Variants in IVD observed in about 807,000 individuals in gnomAD.
The protein encoded by IVD is isovaleryl-CoA dehydrogenase, mitochondrial.
Under a neutral mutation model 51.3 loss-of-function variants are expected in IVD, and 31 were observed. That is an observed-to-expected ratio of 0.60 (90% confidence interval 0.45 to 0.81). The LOEUF (loss-of-function observed/expected upper bound fraction) is 0.81. IVD is among the 40% of genes least tolerant of loss of function. The pLI is 0.00. For synonymous variants in IVD, 205 were observed against 219.4 expected, an observed-to-expected ratio of 0.93 and a Z score of 0.58; for missense variants, 475 against 552.0, an observed-to-expected ratio of 0.86 and a Z score of 1.40.
At chr15:40,410,102 C>T (rs1292928880) in intron 3 of IVD, among the ~76,000 whole-genome samples, 2 of 152,138 alleles carry the variant, frequency 1.3e-5, no homozygotes, top group East Asian at 1.9e-4. Flanking sequence ...TCCCAAAGTG[C>T]TGGGATTACA....
intron 3 of IVD, 98 bp from the exon 4 acceptor site, chr15:40,410,530 A>C: frequency 7.3e-7 from 1 of 1,373,162 alleles, no homozygotes; most frequent in South Asian, 1.2e-5. Context: ...AGGTGCTACA[A>C]GGTGCTTCCC....
At chr15:40,425,440 CTATATATATATA>C (rs72252183), downstream of IVD, among the ~76,000 whole-genome samples, 3 of 137,834 alleles carry the variant, frequency 2.2e-5, no homozygotes, top group Admixed American at 7.0e-5. Flanking sequence ...TGGACTCATA[CTATATATATATA>C]TATATATATA....
chr15:40,423,718 C>G (rs1042719371), downstream of IVD, among the ~76,000 whole-genome samples: 1 of 152,328 alleles, frequency 6.6e-6, no homozygotes, highest in South Asian at 2.1e-4. Flanking sequence ...CCTCGGCCCC[C>G]CAAAGTGCTG....
Position 40,407,957 on chromosome 15 carries a change from G to T in IVD, c.253G>T (p.Gly85Trp). Residue 85 changes from glycine to tryptophan, a missense_variant, in exon 3 of 12, where the codon GGG becomes TGG. Transcript: ENST00000487418. ...TTGGCAGGAATTTTGGAAGCAGCTG[G>T]GGAACCTGGGCGTATTGGGCATCAC... is the stretch of plus-strand genomic sequence containing the variant. ...KNLREFWKQLGNLGVLGITAP... is the reference protein window; with the variant it reads ...KNLREFWKQLWNLGVLGITAP... The T allele has an allele frequency of 6.2e-7, 1 of 1,614,106 alleles. No homozygotes were observed. Among genetic ancestry groups the T allele is most frequent in the Non-Finnish European group, 8.5e-7 (1 of 1,180,002 alleles).
intron 3 of IVD, among the ~76,000 whole-genome samples, chr15:40,408,482 A>T (rs1460365616): frequency 6.6e-6 from 1 of 151,398 alleles, no homozygotes; most frequent in Non-Finnish European, 1.5e-5. Context: ...TAGCGGGGGG[A>T]GTAGGGTAGG....
At chr15:40,435,474 C>A (rs758637312) in exon 9 of IVD, 1 of 1,250,968 alleles carries the variant, frequency 8.0e-7, no homozygotes, top group Non-Finnish European at 1.0e-6. Context: ...CGAGGTCAGA[C>A]GTCCCTGGAG....
At chr15:40,414,153 C>T (rs1193858156) in intron 7 of IVD, among the ~76,000 whole-genome samples, 1 of 152,224 alleles carries the variant, frequency 6.6e-6, no homozygotes, top group Non-Finnish European at 1.5e-5. Context: ...GCCACCTTGC[C>T]TGGCCAGGGG....
At chr15:40,415,599 T>A (rs919167054) in intron 9 of IVD, 117 bp downstream of exon 9, 2 of 874,196 alleles carry the variant, frequency 2.3e-6, no homozygotes, top group East Asian at 2.6e-5. Context: ...CAAATTGAGC[T>A]TGACTGCTTG....
At chr15:40,422,447 C>G (rs533111854), downstream of IVD, among the ~76,000 whole-genome samples, 6 of 151,926 alleles carry the variant, frequency 3.9e-5, no homozygotes, top group South Asian at 1.2e-3. Flanking sequence ...CCATGCCCGG[C>G]TAATTTTTTG....
chr15:40,416,008 T>C lies in IVD; in HGVS notation c.961-70T>C, dbSNP rs1020266401. 11 of 1,416,826 alleles carry C rather than the reference T, an allele frequency of 7.8e-6. No homozygotes were observed. The African/African-American group carries it at 1.6e-4, about 20-fold the overall frequency. 87.8% of individuals were successfully genotyped at this position (1,416,826 alleles called of 1,614,324 possible). On this transcript the variant is annotated intron_variant, in intron 9 of 11. Transcript: ENST00000487418. Reference sequence around the variant, plus strand: ...CTCATCCTTGGCTGTCTTGTTGCCATTGCTGACCTGCTTTTGGTAACTGAG... The same window carrying C: ...CTCATCCTTGGCTGTCTTGTTGCCACTGCTGACCTGCTTTTGGTAACTGAG...
intron 7 of IVD, among the ~76,000 whole-genome samples, chr15:40,432,164 G>A (rs1893011157): frequency 6.6e-6 from 1 of 152,138 alleles, no homozygotes; most frequent in African/African-American, 2.4e-5. Context: ...GACTGGTCTT[G>A]AACTCCTGGC....
In IVD at chr15:40,410,648, C is replaced by G. The variant is rs1465206137; in HGVS notation, c.307C>G (p.Leu103Val). ...TAPVQYGGSGLGYLEHVLVME... is the reference protein window; with the variant it reads ...TAPVQYGGSGVGYLEHVLVME... ...CACAGTTCAGTATGGCGGCTCCGGCCTGGGCTACCTGGAGCATGTGCTGGT... is the reference window on the plus strand; with the variant it reads ...CACAGTTCAGTATGGCGGCTCCGGCGTGGGCTACCTGGAGCATGTGCTGGT... Residue 103 changes from leucine (L) to valine (V), a missense_variant, in exon 4 of 12, where the codon CTG becomes GTG. Leu to Val is a conservative substitution (Grantham distance 32). Transcript: ENST00000487418. 4.3e-6 allele frequency: 7 copies of G among 1,614,110 alleles called. No individual in the cohort carries two copies. In the African/African-American group the frequency reaches 6.7e-5, roughly 15 times the overall value.
intron 3 of IVD, among the ~76,000 whole-genome samples, chr15:40,409,456 A>G (rs1890816276): frequency 6.6e-6 from 1 of 152,144 alleles, no homozygotes; most frequent in Non-Finnish European, 1.5e-5. Flanking sequence ...GAACCTGAAA[A>G]AGAAAGCTGG....
At chr15:40,410,564 T>G in intron 3 of IVD, 64 bp from the exon 4 acceptor site, 1 of 1,583,064 alleles carries the variant, frequency 6.3e-7, no homozygotes, top group Non-Finnish European at 8.7e-7. Flanking sequence ...TGTAAGATTC[T>G]TAATGAATGT....
Position 40,420,889 on chromosome 15 carries a change from C to T in IVD, c.*2626C>T, listed in dbSNP as rs1892238118. The T allele has an allele frequency of 2.0e-6, 2 of 985,508 alleles. No homozygotes were observed. 61.0% of individuals were successfully genotyped at this position (985,508 alleles called of 1,614,324 possible). ...ATGGGTCTGGGTTGTTCCACCCCTT[C>T]CGAGTTCCAAAAAGAGGGAACTGGT... On this transcript the variant is annotated 3_prime_UTR_variant, in exon 12 of 12. Coordinates refer to ENST00000487418, the MANE Select transcript of IVD (RefSeq NM_002225.5).
chr15:40,418,315 G>T lies in IVD; in HGVS notation c.*52G>T, dbSNP rs1447458131. 1.9e-6 allele frequency: 3 copies of T among 1,610,886 alleles called. No homozygotes were observed. The highest frequency in any genetic ancestry group is 2.5e-6 in the Non-Finnish European group (3 of 1,178,966). On this transcript the variant is annotated 3_prime_UTR_variant, in exon 12 of 12. Coordinates refer to ENST00000487418, the MANE Select transcript of IVD (RefSeq NM_002225.5). ...TGCACCTAGTGGCCTTTCTTGGGAA[G>T]TAGAGATGTGGCGGCTTTCCCACCC...
chr15:40,428,177 G>T (rs1194138507), downstream of IVD, among the ~76,000 whole-genome samples: 1 of 144,256 alleles, frequency 6.9e-6, no homozygotes, highest in Admixed American at 6.9e-5. Context: ...GTGAGACTCC[G>T]TGTCAAAAAA....
At chr15:40,410,551 A>T (rs1005754122) in intron 3 of IVD, 77 bp from the exon 4 acceptor site, 2 of 1,552,502 alleles carry the variant, frequency 1.3e-6, no homozygotes, top group Admixed American at 1.7e-5. Context: ...TTCTGCCGTC[A>T]AATGTAAGAT....
chr15:40,415,305 C>T (rs1414689255), intron 8 of IVD, 96 bp from the exon 9 acceptor site: 1 of 1,109,254 alleles, frequency 9.0e-7, no homozygotes, highest in East Asian at 2.4e-5. Context: ...TGCTTTTCTC[C>T]TCCCTGGGAT....
Sources: gnomAD v4.1 joint callset for allele counts (sites outside exome capture counted in the v4.1 genomes callset) on GRCh38, gnomAD v4.1.1 for gene constraint, MANE v1.5 for transcripts, NCBI Gene and HGNC (gene_info 2026-07-23, HGNC 2026-07-21) for gene names.